Variants in SPSB1 observed in about 807,000 individuals in gnomAD.
The protein encoded by SPSB1 is splA/ryanodine receptor domain and SOCS box containing 1, also known as SPRY domain-containing SOCS box protein 1.
SPSB1 carries 8 observed loss-of-function variants against 21.2 expected under a neutral mutation model. The observed-to-expected ratio is 0.38, with a 90% CI of 0.22 to 0.68. The LOEUF is 0.68. Among genes scored for constraint, SPSB1 ranks in the 30% least tolerant of loss-of-function variants. The pLI, the probability that SPSB1 is intolerant of heterozygous loss-of-function variation, is 0.53. For missense variants in SPSB1, 242 were observed against 377.8 expected (o/e 0.64, Z 2.98); for synonymous variants, 169 against 161.7 (o/e 1.05, Z -0.34).
chr1:9,338,095 A>G, intron 1 of SPSB1, among the ~76,000 whole-genome samples: 1 of 152,118 alleles, frequency 6.6e-6, no homozygotes, highest in East Asian at 1.9e-4. Flanking sequence ...GAGTGCTCAG[A>G]TGGGGGAGGG....
chr1:9,320,381 C>G (rs1639699019), intron 1 of SPSB1, among the ~76,000 whole-genome samples: 1 of 152,218 alleles, frequency 6.6e-6, no homozygotes, highest in African/African-American at 2.4e-5. Flanking sequence ...ACTTTGCCTC[C>G]TTTCACCTTT....
intron 1 of SPSB1, among the ~76,000 whole-genome samples, chr1:9,302,826 G>A (rs1639356553): frequency 6.6e-6 from 1 of 152,154 alleles, no homozygotes; most frequent in Non-Finnish European, 1.5e-5. Context: ...TTCTCCCGTA[G>A]CCAGGATTCA....
At chr1:9,362,402 C>T (rs546656325) in intron 2 of SPSB1, among the ~76,000 whole-genome samples, 2 of 152,360 alleles carry the variant, frequency 1.3e-5, no homozygotes, top group African/African-American at 2.4e-5. Flanking sequence ...TGTGCTCTTT[C>T]GTAAGAACTG....
At chr1:9,359,707 A>G (rs1011411344) in intron 2 of SPSB1, among the ~76,000 whole-genome samples, 3 of 144,578 alleles carry the variant, frequency 2.1e-5, no homozygotes, top group African/African-American at 8.0e-5. Flanking sequence ...GTCTCTGGGA[A>G]AAAAAAAAAA....
At chr1:9,332,188 CAA>C (rs36047874) in intron 1 of SPSB1, among the ~76,000 whole-genome samples, 8 of 139,696 alleles carry the variant, frequency 5.7e-5, no homozygotes, top group South Asian at 2.3e-4. Context: ...CCACCTCTAC[CAA>C]AAAAAAAAAA....
Position 9,367,846 on chromosome 1 carries a change from A to C in SPSB1, c.*271A>C. On this transcript the variant is annotated 3_prime_UTR_variant, in exon 3 of 3. Coordinates refer to ENST00000328089, the MANE Select transcript of SPSB1 (RefSeq NM_025106.4). The surrounding 1 kb of genome is among the most constrained non-coding windows in gnomAD (Gnocchi z 5.9). Reference sequence around the variant, plus strand: ...CTCTTTGAAAAAAGACACAGAGAATAAACTCCTACGAAAGCCCTACATTGA... The same window carrying C: ...CTCTTTGAAAAAAGACACAGAGAATCAACTCCTACGAAAGCCCTACATTGA... 1 of 486,864 alleles carries C rather than the reference A, an allele frequency of 2.1e-6. No individual in the cohort carries two copies. 30.2% of individuals were successfully genotyped at this position (486,864 alleles called of 1,614,324 possible). A position where few individuals can be genotyped will look rare whatever the true frequency, so the allele number is the denominator to read the frequency against.
chr1:9,311,608 T>G (rs1052046134), intron 1 of SPSB1, among the ~76,000 whole-genome samples: 1 of 152,158 alleles, frequency 6.6e-6, no homozygotes, highest in African/African-American at 2.4e-5. Flanking sequence ...CTCACTCTTA[T>G]CTCTAGGCTT....
At chr1:9,316,030 C>T (rs1257456509) in intron 1 of SPSB1, among the ~76,000 whole-genome samples, 3 of 152,212 alleles carry the variant, frequency 2.0e-5, no homozygotes, top group African/African-American at 4.8e-5. Context: ...TAGTCATTTG[C>T]AAACTGGGAC....
chr1:9,355,654 A>G, intron 1 of SPSB1, 89 bp from the exon 2 acceptor site: 1 of 1,260,708 alleles, frequency 7.9e-7, no homozygotes, highest in East Asian at 3.1e-5. Flanking sequence ...CTGCTGGGAC[A>G]TGCTGATGTG....
chr1:9,294,177 TCTC>T, intron 1 of SPSB1, among the ~76,000 whole-genome samples: 1 of 151,628 alleles, frequency 6.6e-6, no homozygotes, highest in Non-Finnish European at 1.5e-5. Context: ...TGAGTGTCTG[TCTC>T]TGCAAATGTG....
At chr1:9,312,169 A>T (rs758847220) in intron 1 of SPSB1, among the ~76,000 whole-genome samples, 1 of 151,342 alleles carries the variant, frequency 6.6e-6, no homozygotes, top group Admixed American at 6.6e-5. Flanking sequence ...TAATTTTTTA[A>T]TTTTTTAATT....
intron 1 of SPSB1, among the ~76,000 whole-genome samples, chr1:9,304,949 A>T (rs1243857362): frequency 6.6e-6 from 1 of 152,144 alleles, no homozygotes; most frequent in Non-Finnish European, 1.5e-5. Flanking sequence ...CATGAGCCAC[A>T]GCGCTCACCC....
At chr1:9,297,400 G>T (rs1266640185) in intron 1 of SPSB1, among the ~76,000 whole-genome samples, 1 of 152,104 alleles carries the variant, frequency 6.6e-6, no homozygotes, top group Admixed American at 6.5e-5. Flanking sequence ...GGGTGCCCCA[G>T]TTGTGAACAC....
chr1:9,312,177 AT>A, intron 1 of SPSB1, among the ~76,000 whole-genome samples: 1 of 150,434 alleles, frequency 6.6e-6, no homozygotes, highest in South Asian at 2.1e-4. Flanking sequence ...TAATTTTTTA[AT>A]TTTTTTCGAG....
At chr1:9,329,098 G>A (rs1639871771) in intron 1 of SPSB1, among the ~76,000 whole-genome samples, 2 of 152,198 alleles carry the variant, frequency 1.3e-5, no homozygotes, top group Non-Finnish European at 2.9e-5. Context: ...GAGTTCGCGT[G>A]GGGGACAGGG....
chr1:9,335,829 G>T (rs1245705162), intron 1 of SPSB1, among the ~76,000 whole-genome samples: 6 of 152,186 alleles, frequency 3.9e-5, no homozygotes, highest in Admixed American at 6.5e-5. Context: ...AAGAAAGAAT[G>T]TTGTGGTTCT....
chr1:9,320,865 G>A (rs1639711315), intron 1 of SPSB1, among the ~76,000 whole-genome samples: 1 of 146,468 alleles, frequency 6.8e-6, no homozygotes, highest in African/African-American at 2.6e-5. Context: ...TAGCAGGATG[G>A]AGTTAGAGTG....
At chr1:9,350,478 G>A (rs950092335) in intron 1 of SPSB1, among the ~76,000 whole-genome samples, 20 of 152,232 alleles carry the variant, frequency 1.3e-4, no homozygotes, top group African/African-American at 3.9e-4. Flanking sequence ...AGCAGGCGCC[G>A]CCGGCCAGGG....
chr1:9,304,330 C>G (rs138549133), intron 1 of SPSB1, among the ~76,000 whole-genome samples: 1 of 152,178 alleles, frequency 6.6e-6, no homozygotes, highest in African/African-American at 2.4e-5. Flanking sequence ...TGCAGATGGC[C>G]TGTAGTGGGA....
Sources: gnomAD v4.1 joint callset for allele counts (sites outside exome capture counted in the v4.1 genomes callset) on GRCh38, gnomAD v4.1.1 for gene constraint, Gnocchi (gnomAD v3.1) non-coding constraint, MANE v1.5 for transcripts, NCBI Gene and HGNC (gene_info 2026-07-23, HGNC 2026-07-21) for gene names.